The following DCHS2 variants were observed in gnomAD, a reference collection of about 807,000 sequenced individuals.
DCHS2 encodes dachsous cadherin-related 2.
DCHS2 carries 142 observed loss-of-function variants against 182.4 expected under a neutral mutation model. That is an observed-to-expected ratio of 0.78 (90% CI 0.68 to 0.89). DCHS2 has a LOEUF of 0.89. Among genes scored for constraint, DCHS2 ranks in the 40% least tolerant of loss-of-function variants. The probability of loss-of-function intolerance (pLI) is 0.00; values close to 1 mark genes in which losing one functional copy is unlikely to be tolerated. For missense variants in DCHS2, 4,319 were observed against 4,198.6 expected (o/e 1.03, Z -0.79); for synonymous variants, 1,740 against 1,663.3 (o/e 1.05, Z -1.12).
intron 1 of DCHS2, among the ~76,000 whole-genome samples, chr4:154,465,028 C>T (rs996526066): frequency 2.0e-5 from 3 of 152,214 alleles, no homozygotes; most frequent in African/African-American, 7.2e-5. Flanking sequence ...AGATCATCAT[C>T]TGCATTAGTT....
intron 1 of DCHS2, among the ~76,000 whole-genome samples, chr4:154,427,618 T>C (rs771853373): frequency 1.3e-5 from 2 of 152,200 alleles, no homozygotes; most frequent in African/African-American, 2.4e-5. Context: ...AGCATCTGAG[T>C]TATGTCTTGA....
At chr4:154,322,850 T>C (rs1368119054) in intron 7 of DCHS2, 4 of 245,646 alleles carry the variant, frequency 1.6e-5, no homozygotes, top group Non-Finnish European at 2.3e-5. Flanking sequence ...TCTGTATATA[T>C]TTCAAAATGC....
intron 1 of DCHS2, among the ~76,000 whole-genome samples, chr4:154,479,256 A>C (rs1018679436): frequency 1.4e-4 from 22 of 152,168 alleles, no homozygotes; most frequent in African/African-American, 5.1e-4. Context: ...AATACAAGCC[A>C]TCTGATCTGA....
At chr4:154,361,183 T>C (rs574956069) in intron 3 of DCHS2, among the ~76,000 whole-genome samples, 14 of 152,162 alleles carry the variant, frequency 9.2e-5, no homozygotes, top group African/African-American at 3.4e-4. Flanking sequence ...AAAGAGATAG[T>C]TTGGGATGAA....
At chr4:154,461,213 A>C (rs991954602) in intron 1 of DCHS2, among the ~76,000 whole-genome samples, 1 of 152,178 alleles carries the variant, frequency 6.6e-6, no homozygotes, top group Non-Finnish European at 1.5e-5. Context: ...GTCATCTAAC[A>C]ATGTAGAGTT....
In DCHS2 at chr4:154,491,290, G is replaced by A; in HGVS notation, c.66C>T (p.Leu22=). 1 of 1,549,242 alleles carries A rather than the reference G, an allele frequency of 6.5e-7. No individual in the cohort carries two copies. Among genetic ancestry groups the A allele is most frequent in the South Asian group, 1.2e-5 (1 of 83,936 alleles). Residue 22 remains leucine, a synonymous_variant, in exon 1 of 20, where the codon CTC becomes CTT. Coordinates refer to ENST00000357232, the MANE Select transcript of DCHS2 (RefSeq NM_001358235.2). ...TATCTCTCCTCCCGGGGAGCAGAAGGAGCTTCCCGACCGGAGCCCGCCGCT... is the reference window on the plus strand; with the variant it reads ...TATCTCTCCTCCCGGGGAGCAGAAGAAGCTTCCCGACCGGAGCCCGCCGCT... ...RQQRRAPVGK[L]LLLPGRRDTP...
chr4:154,395,370 A>G (rs528912024), intron 1 of DCHS2, among the ~76,000 whole-genome samples: 2 of 152,206 alleles, frequency 1.3e-5, no homozygotes, highest in African/African-American at 2.4e-5. Context: ...ACATTTTTCT[A>G]TACTGTTTCA....
At chr4:154,467,619 G>A (rs958000277) in intron 1 of DCHS2, among the ~76,000 whole-genome samples, 6 of 152,066 alleles carry the variant, frequency 3.9e-5, no homozygotes, top group African/African-American at 1.4e-4. Context: ...GGTATATTAT[G>A]TCCAAGTATA....
intron 1 of DCHS2, among the ~76,000 whole-genome samples, chr4:154,428,735 T>C (rs917961470): frequency 9.9e-5 from 15 of 151,636 alleles, no homozygotes; most frequent in African/African-American, 3.6e-4. Context: ...ACACCGTCTC[T>C]ACTAAAAATA....
rs79543017 is a variant in DCHS2 at position 154,350,974 on chromosome 4, A to G, written c.2476+15236T>C. Among the ~76,000 whole-genome samples the G allele has an allele frequency of 8.8e-3, 1,340 of 152,324 alleles. 10 individuals carry two copies. The highest frequency in any genetic ancestry group is 0.029 in the African/African-American group (1,186 of 41,566). On this transcript the variant is annotated intron_variant, in intron 3 of 19. Coordinates refer to ENST00000357232, the MANE Select transcript of DCHS2 (RefSeq NM_001358235.2). ...GAAAAGAAGGGATGGCCAGAGGTTCAGGAAGAGGGACACCCATTGGCCATG... is the reference window on the plus strand; with the variant it reads ...GAAAAGAAGGGATGGCCAGAGGTTCGGGAAGAGGGACACCCATTGGCCATG...
intron 13 of DCHS2, among the ~76,000 whole-genome samples, chr4:154,271,080 G>A (rs1049275198): frequency 2.0e-5 from 3 of 152,126 alleles, no homozygotes; most frequent in Admixed American, 6.6e-5. Context: ...CATGAAAGAA[G>A]AATTAGCAAG....
intron 7 of DCHS2, among the ~76,000 whole-genome samples, chr4:154,325,575 A>C (rs1223726646): frequency 6.6e-6 from 1 of 152,134 alleles, no homozygotes; most frequent in Non-Finnish European, 1.5e-5. Context: ...GAAATTTGAG[A>C]AGTAACAAAA....
At chr4:154,323,202 T>G (rs1736144659) in intron 7 of DCHS2, 2 of 1,550,790 alleles carry the variant, frequency 1.3e-6, no homozygotes, top group Non-Finnish European at 8.7e-7. Context: ...TATGTTTTCC[T>G]TAAATTGGGA....
chr4:154,277,433 G>A (rs188297610), intron 13 of DCHS2, among the ~76,000 whole-genome samples: 1 of 152,058 alleles, frequency 6.6e-6, no homozygotes, highest in Admixed American at 6.6e-5. Context: ...AGACTACAAA[G>A]CCCCTCAGAA....
In DCHS2 at chr4:154,235,281, C is replaced by T. The variant is rs772643568; in HGVS notation, c.9371G>A (p.Ser3124Asn). 2.2e-5 allele frequency: 35 copies of T among 1,614,124 alleles called. 1 individual carries two copies. The South Asian group carries it at 3.8e-4, about 18-fold the overall frequency. The change falls in exon 20 of 20, where the codon AGT (serine) becomes AAT (asparagine). Residue 3124 changes from serine (S) to asparagine (N), a missense_variant. Coordinates refer to ENST00000357232, the MANE Select transcript of DCHS2 (RefSeq NM_001358235.2). ...PYRKCSDSAL[S>N]DHESRVPDSG... is the part of the protein sequence containing the mutation. ...GTCTGGCACCCTGGACTCGTGGTCACTCAGAGCTGAGTCTGAGCACTTTCT... is the reference window on the plus strand; with the variant it reads ...GTCTGGCACCCTGGACTCGTGGTCATTCAGAGCTGAGTCTGAGCACTTTCT...
Position 154,491,601 on chromosome 4 carries a change from C to T in DCHS2, c.-246G>A. ...TGCCGCGGCAGCCACCTCTTCTGCC[C>T]CTGGATTTCTTTAAACGAATCTCAT... On this transcript the variant is annotated 5_prime_UTR_variant, in exon 1 of 20. Coordinates refer to ENST00000357232, the MANE Select transcript of DCHS2 (RefSeq NM_001358235.2). 2 of 1,336,074 alleles carry T rather than the reference C, an allele frequency of 1.5e-6. No individual in the cohort carries two copies. The highest frequency in any genetic ancestry group is 9.5e-7 in the Non-Finnish European group (1 of 1,050,536). 82.8% of individuals were successfully genotyped at this position (1,336,074 alleles called of 1,614,324 possible).
chr4:154,421,339 A>G (rs1275248116), intron 1 of DCHS2, among the ~76,000 whole-genome samples: 1 of 152,112 alleles, frequency 6.6e-6, no homozygotes, highest in Non-Finnish European at 1.5e-5. Context: ...GCAGTCTGAA[A>G]GTTTCCTCTC....
intron 1 of DCHS2, among the ~76,000 whole-genome samples, chr4:154,428,066 T>C (rs1266130147): frequency 6.6e-6 from 1 of 152,082 alleles, no homozygotes; most frequent in South Asian, 2.1e-4. Flanking sequence ...AGCCATTGAA[T>C]AGTGAAGAGC....
chr4:154,490,285 C>G lies in DCHS2; in HGVS notation c.1071G>C (p.Ala357=), dbSNP rs1350791153. 1 of 1,548,296 alleles carries G rather than the reference C, an allele frequency of 6.5e-7. No homozygotes were observed. The highest frequency in any genetic ancestry group is 1.2e-5 in the South Asian group (1 of 84,010). ...GGALGDAAYF[A]VEELSGVVRV... ...GCACCACGCCGCTCAGCTCCTCCAC[C>G]GCGAAGTAGGCCGCGTCGCCCAGTG... Residue 357 remains alanine (A), a synonymous_variant, in exon 1 of 20, where the codon GCG becomes GCC. Transcript: ENST00000357232.
Sources: gnomAD v4.1 joint callset for allele counts (sites outside exome capture counted in the v4.1 genomes callset) on GRCh38, gnomAD v4.1.1 for gene constraint, MANE v1.5 for transcripts, NCBI Gene and HGNC (gene_info 2026-07-23, HGNC 2026-07-21) for gene names.